The following ETV1 variants were observed in gnomAD, a reference collection of about 807,000 sequenced individuals.
The protein encoded by ETV1 is ETS translocation variant 1.
ETV1 carries 27 observed loss-of-function variants against 62.3 expected under a neutral mutation model. The ratio of observed to expected loss-of-function variants is 0.43; its 90% CI spans 0.32 to 0.60. The LOEUF (loss-of-function observed/expected upper bound fraction) is 0.60, where lower values mean the gene tolerates loss of function less well. ETV1 is among the 20% of genes least tolerant of loss of function. The pLI is 0.06. For missense variants in ETV1, 605 were observed against 605.8 expected (o/e 1.00, Z 0.01); for synonymous variants, 222 against 199.6 (o/e 1.11, Z -0.94).
At chr7:13,917,829 TGGCG>T in intron 9 of ETV1, among the ~76,000 whole-genome samples, 1 of 151,776 alleles carries the variant, frequency 6.6e-6, no homozygotes, top group African/African-American at 2.4e-5. Flanking sequence ...CCGGGCGTGG[TGGCG>T]GGCACCAGTA....
intron 6 of ETV1, among the ~76,000 whole-genome samples, chr7:13,967,871 G>A (rs559987084): frequency 6.6e-6 from 1 of 151,968 alleles, no homozygotes; most frequent in African/African-American, 2.4e-5. Context: ...TTTCATGACT[G>A]CTTTATTTTA....
upstream of ETV1, chr7:13,989,871 C>G (rs1381928739): frequency 2.9e-6 from 1 of 349,838 alleles, no homozygotes; most frequent in Non-Finnish European, 5.1e-6. Flanking sequence ...GCGCTGGGTC[C>G]TCAGCCTGGA....
chr7:13,934,728 AT>A (rs1786593294), intron 8 of ETV1, among the ~76,000 whole-genome samples: 1 of 152,242 alleles, frequency 6.6e-6, no homozygotes, highest in South Asian at 2.1e-4. Flanking sequence ...TGTCTCTGGT[AT>A]CCGTATGCTA....
At chr7:13,959,588 A>G (rs571910111) in intron 6 of ETV1, among the ~76,000 whole-genome samples, 15 of 152,160 alleles carry the variant, frequency 9.9e-5, no homozygotes, top group Non-Finnish European at 2.2e-4. Context: ...GATTGCTTAA[A>G]AATGGTTTGT....
intron 13 of ETV1, 167 bp downstream of exon 13, chr7:13,900,571 G>A (rs766928448): frequency 5.4e-6 from 3 of 556,084 alleles, no homozygotes; most frequent in African/African-American, 1.9e-5. Context: ...CAATGTCTAG[G>A]CATTTATACA....
chr7:13,915,576 C>G (rs1416477118), intron 9 of ETV1, among the ~76,000 whole-genome samples: 2 of 152,028 alleles, frequency 1.3e-5, no homozygotes, highest in Non-Finnish European at 2.9e-5. Flanking sequence ...TGTTTAAAAT[C>G]CAAAGGTTTA....
intron 9 of ETV1, among the ~76,000 whole-genome samples, chr7:13,916,830 G>T (rs1408715843): frequency 1.3e-5 from 2 of 152,006 alleles, no homozygotes; most frequent in Non-Finnish European, 2.9e-5. Context: ...TACTCAAGAG[G>T]CTAAGATGGG....
intron 11 of ETV1, 125 bp from the exon 12 acceptor site, chr7:13,906,724 T>C (rs1783006760): frequency 4.7e-6 from 3 of 635,804 alleles, no homozygotes; most frequent in Non-Finnish European, 7.8e-6. Flanking sequence ...ATTTATGAAA[T>C]ATATTATTAC....
chr7:13,919,081 G>A (rs1446188227), intron 9 of ETV1, among the ~76,000 whole-genome samples: 1 of 152,084 alleles, frequency 6.6e-6, no homozygotes, highest in African/African-American at 2.4e-5. Context: ...TCATGTCAAT[G>A]GGAATCCTTT....
At position 13,918,666 on chromosome 7, in the gene ETV1, C is replaced by T. The variant is rs544211870; in HGVS notation, c.803-7359G>A. On this transcript the variant is annotated intron_variant, in intron 9 of 13. Coordinates refer to ENST00000430479, the MANE Select transcript of ETV1 (RefSeq NM_004956.5). ...GCATATTCTCACTCATAGGTGGGAA[C>T]TGAACAATGAGATCACATGGACGCA... Among the ~76,000 whole-genome samples, 8 of 150,146 alleles carry T rather than the reference C, an allele frequency of 5.3e-5. No individual in the cohort carries two copies. In the East Asian group the frequency reaches 5.9e-4, roughly 11 times the overall value.
chr7:13,893,511 T>C lies in ETV1; in HGVS notation c.*2355A>G, dbSNP rs1322614934. ...ACATATAGTTTGTCCTTAAATATTA[T>C]ATAACTAATACCATTTCTGCCATTG... is the stretch of plus-strand genomic sequence containing the variant. On this transcript the variant is annotated 3_prime_UTR_variant, in exon 14 of 14. Transcript: ENST00000430479. 8.6e-6 allele frequency: 2 copies of C among 231,558 alleles called. No homozygotes were observed. The highest frequency in any genetic ancestry group is 1.7e-5 in the Non-Finnish European group (2 of 117,170). 14.3% of individuals were successfully genotyped at this position (231,558 alleles called of 1,614,324 possible).
rs768542925 is a variant in ETV1 at position 13,939,242 on chromosome 7, A to G, written c.240T>C (p.Ala80=). Residue 80 remains alanine (A), a synonymous_variant, in exon 7 of 14, where the codon GCT becomes GCC. Coordinates refer to ENST00000430479, the MANE Select transcript of ETV1 (RefSeq NM_004956.5). The part of the protein sequence containing the change: ...FVPDYQAESL[A]FHGLPLKIKK... ...TGATTTTCAGTGGCAGGCCATGAAAAGCCACTAGAAAAAAGAACAAAAATA... is the reference window on the plus strand; with the variant it reads ...TGATTTTCAGTGGCAGGCCATGAAAGGCCACTAGAAAAAAGAACAAAAATA... 1 of 1,601,720 alleles carries G rather than the reference A, an allele frequency of 6.2e-7. No homozygotes were observed. Among genetic ancestry groups the G allele is most frequent in the South Asian group, 1.1e-5 (1 of 87,910 alleles).
At chr7:13,953,391 T>C (rs375938987) in intron 6 of ETV1, among the ~76,000 whole-genome samples, 23 of 152,318 alleles carry the variant, frequency 1.5e-4, no homozygotes, top group East Asian at 1.3e-3. Flanking sequence ...CTTTAAGCCC[T>C]GCAAAGTTCC....
intron 6 of ETV1, among the ~76,000 whole-genome samples, chr7:13,972,248 T>A (rs1780981109): frequency 6.6e-6 from 1 of 152,136 alleles, no homozygotes; most frequent in African/African-American, 2.4e-5. Context: ...AAGACCAGCC[T>A]GGGCAAAACC....
chr7:13,896,132 G>A (rs774755435), intron 13 of ETV1, 45 bp from the exon 14 acceptor site: 48 of 1,518,830 alleles, frequency 3.2e-5, no homozygotes, highest in Non-Finnish European at 4.3e-5. Flanking sequence ...ACCATCGCCA[G>A]ATGGGGAAGG....
At chr7:13,978,713 TA>T (rs1016954643) in intron 5 of ETV1, among the ~76,000 whole-genome samples, 1 of 151,858 alleles carries the variant, frequency 6.6e-6, no homozygotes, top group Non-Finnish European at 1.5e-5. Flanking sequence ...TTCTACATTT[TA>T]AAAAAATTTT....
chr7:13,896,300 T>C (rs1781768960), intron 13 of ETV1, among the ~76,000 whole-genome samples: 1 of 152,194 alleles, frequency 6.6e-6, no homozygotes, highest in Non-Finnish European at 1.5e-5. Context: ...ATGCAAAATG[T>C]TGACCTTGAA....
chr7:13,979,761 AG>A (rs1284226441), intron 5 of ETV1, among the ~76,000 whole-genome samples: 1 of 152,154 alleles, frequency 6.6e-6, no homozygotes, highest in East Asian at 1.9e-4. Context: ...TTACAGGAAA[AG>A]TTAAAAATAG....
At chr7:13,980,223 T>A (rs1781847354) in intron 5 of ETV1, among the ~76,000 whole-genome samples, 1 of 152,138 alleles carries the variant, frequency 6.6e-6, no homozygotes, top group Non-Finnish European at 1.5e-5. Flanking sequence ...GACAAAGGCT[T>A]AAGTATACCT....
Sources: allele counts gnomAD v4.1 joint callset (sites outside exome capture counted in the v4.1 genomes callset), GRCh38; gene constraint gnomAD v4.1.1; transcripts MANE v1.5; gene names NCBI Gene and HGNC (gene_info 2026-07-23, HGNC 2026-07-21).